Variants in QTMAN observed in about 807,000 individuals in gnomAD.
QTMAN encodes the protein tRNA-queuosine alpha-mannosyltransferase.
chr2:144,013,990 G>A, the QTMAN span, among the ~76,000 whole-genome samples: 5 of 151,954 alleles, frequency 3.3e-5, no homozygotes, highest in African/African-American at 7.3e-5. Context: ...ATTCTCATGC[G>A]TACACAGACA....
At chr2:144,251,833 A>G in the QTMAN span, among the ~76,000 whole-genome samples, 2 of 152,202 alleles carry the variant, frequency 1.3e-5, no homozygotes, top group Non-Finnish European at 2.9e-5. Flanking sequence ...TACATATCTG[A>G]TAAAGGACTG....
the QTMAN span, chr2:143,940,005 T>TA: frequency 6.6e-6 from 1 of 152,350 alleles, no homozygotes; most frequent in East Asian, 1.9e-4. Flanking sequence ...TACTTGCCCG[T>TA]AAAATCCCAT....
the QTMAN span, among the ~76,000 whole-genome samples, chr2:144,116,673 G>A: frequency 1.4e-4 from 21 of 152,234 alleles, no homozygotes; most frequent in Non-Finnish European, 2.4e-4. Flanking sequence ...AAATATACTC[G>A]AGCAATCTAC....
At chr2:143,996,863 C>T in the QTMAN span, among the ~76,000 whole-genome samples, 2 of 151,770 alleles carry the variant, frequency 1.3e-5, no homozygotes, top group African/African-American at 4.8e-5. Context: ...AAAGAAATGA[C>T]AAGAGTTCCA....
At chr2:144,282,314 T>A in the QTMAN span, among the ~76,000 whole-genome samples, 1 of 151,532 alleles carries the variant, frequency 6.6e-6, no homozygotes. Flanking sequence ...AGAGCAACAC[T>A]TATTTTAACC....
the QTMAN span, among the ~76,000 whole-genome samples, chr2:144,296,882 A>G: frequency 6.6e-6 from 1 of 152,210 alleles, no homozygotes; most frequent in African/African-American, 2.4e-5. Context: ...AAAGATGAAG[A>G]GAAGTCTTCA....
the QTMAN span, among the ~76,000 whole-genome samples, chr2:144,328,597 T>A: frequency 6.6e-6 from 1 of 151,930 alleles, no homozygotes; most frequent in Non-Finnish European, 1.5e-5. Flanking sequence ...GTGACAGAGG[T>A]CTTAAAATAT....
At chr2:143,980,027 T>C in the QTMAN span, among the ~76,000 whole-genome samples, 183 of 152,326 alleles carry the variant, frequency 1.2e-3, 1 homozygote, top group Middle Eastern at 0.01. Context: ...CAAGGTGCTT[T>C]GTTTTTCAAA....
At chr2:144,125,191 A>G in the QTMAN span, among the ~76,000 whole-genome samples, 1 of 152,054 alleles carries the variant, frequency 6.6e-6, no homozygotes, top group African/African-American at 2.4e-5. Context: ...ATAGAAGCCT[A>G]TCATCCCCGA....
At chr2:144,058,097 AAAAG>A in the QTMAN span, among the ~76,000 whole-genome samples, 7 of 150,908 alleles carry the variant, frequency 4.6e-5, no homozygotes, top group South Asian at 2.1e-4. Context: ...AAGGAAAAAA[AAAAG>A]AAAGAAAGAA....
the QTMAN span, among the ~76,000 whole-genome samples, chr2:144,129,170 A>ATGACT: frequency 6.6e-6 from 1 of 151,956 alleles, no homozygotes; most frequent in African/African-American, 2.4e-5. Flanking sequence ...TTACTCATAG[A>ATGACT]TGACTTGGTC....
chr2:144,000,376 CCAAA>C, the QTMAN span, among the ~76,000 whole-genome samples: 68 of 151,994 alleles, frequency 4.5e-4, no homozygotes, highest in African/African-American at 1.3e-3. Flanking sequence ...CAAAAACCAA[CCAAA>C]CAAACTAACC....
the QTMAN span, among the ~76,000 whole-genome samples, chr2:144,281,256 T>G: frequency 6.6e-6 from 1 of 151,960 alleles, no homozygotes; most frequent in African/African-American, 2.4e-5. Context: ...CTGAGCAACT[T>G]GGCAATATCA....
At chr2:144,300,614 G>GT in the QTMAN span, among the ~76,000 whole-genome samples, 1 of 152,118 alleles carries the variant, frequency 6.6e-6, no homozygotes, top group African/African-American at 2.4e-5. Flanking sequence ...ACTAAAAACA[G>GT]TGTCAAAAGT....
At chr2:143,984,270 C>T in the QTMAN span, among the ~76,000 whole-genome samples, 6 of 152,182 alleles carry the variant, frequency 3.9e-5, no homozygotes, top group Non-Finnish European at 8.8e-5. Context: ...TCTTTCAGAA[C>T]ACTAAGATAT....
At chr2:144,300,507 A>G in the QTMAN span, among the ~76,000 whole-genome samples, 3 of 152,220 alleles carry the variant, frequency 2.0e-5, no homozygotes, top group African/African-American at 7.2e-5. Flanking sequence ...AAGTGGTTTT[A>G]GAAGCAATCC....
At chr2:144,025,823 A>C in the QTMAN span, among the ~76,000 whole-genome samples, 20 of 152,326 alleles carry the variant, frequency 1.3e-4, no homozygotes, top group East Asian at 1.7e-3. Flanking sequence ...CCCTCCTCCC[A>C]GTCCAGTCCC....
chr2:144,273,709 T>C, the QTMAN span, among the ~76,000 whole-genome samples: 1 of 152,164 alleles, frequency 6.6e-6, no homozygotes, highest in Non-Finnish European at 1.5e-5. Context: ...TAACCATTTA[T>C]TGGAAGAGGA....
the QTMAN span, chr2:143,942,120 A>C: frequency 6.0e-6 from 1 of 165,726 alleles, no homozygotes; most frequent in East Asian, 1.9e-4. Flanking sequence ...ATGCAGTAAT[A>C]GGAAAGTAAT....
Sources: allele counts gnomAD v4.1 joint callset (sites outside exome capture counted in the v4.1 genomes callset), GRCh38; gene constraint gnomAD v4.1.1; transcripts MANE v1.5; gene names NCBI Gene and HGNC (gene_info 2026-07-23, HGNC 2026-07-21).